DSCAM: variants seen among roughly 807,000 people sequenced by gnomAD.
DSCAM encodes the protein DS cell adhesion molecule.
A neutral mutation model predicts 217.7 loss-of-function variants in DSCAM; 47 were observed. The observed-to-expected ratio is 0.22, with a 90% CI of 0.17 to 0.28. DSCAM has a LOEUF of 0.28. DSCAM is among the 10% of genes least tolerant of loss of function. The pLI is 1.00. For missense variants in DSCAM, 2,080 were observed against 2,618.3 expected (o/e 0.79, Z 4.49); for synonymous variants, 1,056 against 1,015.3 (o/e 1.04, Z -0.76).
At chr21:40,422,477 T>A (rs1217709243) in intron 3 of DSCAM, among the ~76,000 whole-genome samples, 3 of 145,886 alleles carry the variant, frequency 2.1e-5, no homozygotes, top group Non-Finnish European at 4.5e-5. Flanking sequence ...TAAAAAAAAA[T>A]ATATATATAC....
At chr21:40,674,567 C>A (rs989577518) in intron 3 of DSCAM, among the ~76,000 whole-genome samples, 2 of 151,476 alleles carry the variant, frequency 1.3e-5, no homozygotes, top group African/African-American at 4.9e-5. Flanking sequence ...TCACCCCTGG[C>A]AATGGATTGT....
chr21:40,270,974 G>T (rs547975867), intron 11 of DSCAM, among the ~76,000 whole-genome samples: 2 of 152,362 alleles, frequency 1.3e-5, no homozygotes, highest in South Asian at 4.1e-4. Context: ...AAGGAGATGG[G>T]TTATTATATG....
intron 1 of DSCAM, among the ~76,000 whole-genome samples, chr21:40,827,864 C>G (rs1054148123): frequency 6.6e-6 from 1 of 152,184 alleles, no homozygotes; most frequent in Non-Finnish European, 1.5e-5. Context: ...TCACATCAAG[C>G]TGCAACAGAT....
chr21:40,148,796 G>C (rs1786076266), intron 16 of DSCAM, among the ~76,000 whole-genome samples: 1 of 151,798 alleles, frequency 6.6e-6, no homozygotes, highest in African/African-American at 2.4e-5. Context: ...ACCACCACCA[G>C]CAATAGCATC....
In DSCAM at chr21:40,292,185, CTT is replaced by C. The variant is rs11431306; in HGVS notation, c.2182+3868_2182+3869del. 4.3e-3 allele frequency among the ~76,000 whole-genome samples: 471 copies of C among 110,244 alleles called. 1 individual carries two copies. The highest frequency in any genetic ancestry group is 6.0e-3 in the South Asian group (19 of 3,146). The allele number at this position is 110,244 out of a possible 152,430, so 72.3% of individuals were successfully genotyped here. On this transcript the variant is annotated intron_variant, in intron 10 of 32. Coordinates refer to ENST00000400454, the MANE Select transcript of DSCAM (RefSeq NM_001389.5). Reference sequence around the variant, plus strand: ...AGACCCAAGGTCAAAAATGTAATGACTTTTTTTTTTTTTTTTTTTTTGTAGCA... The same window carrying C: ...AGACCCAAGGTCAAAAATGTAATGACTTTTTTTTTTTTTTTTTTTGTAGCA...
At position 40,013,199 on chromosome 21, in the gene DSCAM, T is replaced by C; in HGVS notation, c.5874A>G (p.Arg1958=). The change falls in exon 33 of 33, where the codon AGA becomes AGG. Residue 1958 remains arginine (R), a synonymous_variant. Transcript: ENST00000400454. ...CCCCCGGCTGCCACGACTGTCCTTC[T>C]CTCGTGGAGGAGGCGGAGGAGGCGG... The part of the protein sequence containing the change: ...MEAASSASST[R]EGQSWQPGAV... 1.2e-6 allele frequency: 2 copies of C among 1,613,704 alleles called. No individual in the cohort carries two copies. Among genetic ancestry groups the C allele is most frequent in the Non-Finnish European group, 1.7e-6 (2 of 1,179,832 alleles).
chr21:40,070,548 G>A (rs1215875182), intron 27 of DSCAM, among the ~76,000 whole-genome samples: 1 of 152,196 alleles, frequency 6.6e-6, no homozygotes, highest in African/African-American at 2.4e-5. Flanking sequence ...GGGTGCATGT[G>A]TGCTACTCAT....
chr21:40,613,902 TG>T (rs1200424690), intron 3 of DSCAM, among the ~76,000 whole-genome samples: 1 of 152,140 alleles, frequency 6.6e-6, no homozygotes, highest in Non-Finnish European at 1.5e-5. Flanking sequence ...TTAACAAATA[TG>T]GGATAATTAG....
rs191290192 is a variant in DSCAM, at chr21:40,426,348, A to G, written c.509-57103T>C. ...ACCTGTGCTGCTTCCTTTTCTCTCC[A>G]TTTGTCCTTTCATTGGCCATTCAGT... On this transcript the variant is annotated intron_variant, in intron 3 of 32. Coordinates refer to ENST00000400454, the MANE Select transcript of DSCAM (RefSeq NM_001389.5). Among the ~76,000 whole-genome samples, 9 of 152,244 alleles carry G rather than the reference A, an allele frequency of 5.9e-5. No individual in the cohort carries two copies. In the East Asian group the frequency reaches 1.7e-3, roughly 29 times the overall value.
intron 8 of DSCAM, among the ~76,000 whole-genome samples, chr21:40,324,759 T>C (rs1327981016): frequency 1.3e-5 from 2 of 152,314 alleles, no homozygotes; most frequent in East Asian, 3.9e-4. Flanking sequence ...CTGAGTTACT[T>C]TTCTGCATTT....
At chr21:40,483,693 T>C (rs2076001909) in intron 3 of DSCAM, among the ~76,000 whole-genome samples, 1 of 152,234 alleles carries the variant, frequency 6.6e-6, no homozygotes, top group African/African-American at 2.4e-5. Context: ...TACCCATTAA[T>C]AAACCTAGAT....
intron 15 of DSCAM, among the ~76,000 whole-genome samples, chr21:40,169,206 TG>T (rs1181624084): frequency 3.9e-5 from 6 of 152,132 alleles, no homozygotes; most frequent in Non-Finnish European, 7.3e-5. Context: ...GTAGGCTTAC[TG>T]GTTGAGGGAA....
At chr21:40,033,733 GACAA>G (rs1436751072) in intron 32 of DSCAM, among the ~76,000 whole-genome samples, 12 of 151,678 alleles carry the variant, frequency 7.9e-5, no homozygotes, top group Admixed American at 6.5e-4. Context: ...GCAGGGCACA[GACAA>G]ACAAAAAGAC....
chr21:40,075,409 C>G (rs1295782594), intron 26 of DSCAM, among the ~76,000 whole-genome samples, 196 bp from the exon 27 acceptor site: 2 of 152,208 alleles, frequency 1.3e-5, no homozygotes, highest in Non-Finnish European at 2.9e-5. Flanking sequence ...GAACTTCCAA[C>G]TTATTCTATA....
At chr21:40,374,309 C>T (rs1390066291) in intron 3 of DSCAM, among the ~76,000 whole-genome samples, 1 of 152,172 alleles carries the variant, frequency 6.6e-6, no homozygotes, top group Non-Finnish European at 1.5e-5. Context: ...AAAATGTAGC[C>T]TTTGTGAGCC....
chr21:40,322,649 C>T (rs1030618861), intron 8 of DSCAM, among the ~76,000 whole-genome samples: 10 of 151,888 alleles, frequency 6.6e-5, no homozygotes, highest in African/African-American at 2.4e-4. Context: ...CTCAGACTCC[C>T]GAGTAGCTGG....
At chr21:40,051,079 A>G (rs926309719) in intron 30 of DSCAM, among the ~76,000 whole-genome samples, 11 of 152,228 alleles carry the variant, frequency 7.2e-5, no homozygotes, top group Non-Finnish European at 1.6e-4. Flanking sequence ...AGGATTTATG[A>G]AGAATAGCTT....
chr21:40,535,220 TAGAAC>T (rs1201422674), intron 3 of DSCAM, among the ~76,000 whole-genome samples: 1 of 152,190 alleles, frequency 6.6e-6, no homozygotes, highest in Non-Finnish European at 1.5e-5. Flanking sequence ...TTTAAAGTCT[TAGAAC>T]AGTGCTTCAT....
chr21:40,052,467 C>A (rs1568914767), intron 29 of DSCAM, among the ~76,000 whole-genome samples: 3 of 152,274 alleles, frequency 2.0e-5, no homozygotes, highest in Admixed American at 2.0e-4. Context: ...ATCTGCGATG[C>A]CAGCCCCCTC....
Sources: allele counts gnomAD v4.1 joint callset (sites outside exome capture counted in the v4.1 genomes callset), GRCh38; gene constraint gnomAD v4.1.1; transcripts MANE v1.5; gene names NCBI Gene and HGNC (gene_info 2026-07-23, HGNC 2026-07-21).